The following MARCHF1 variants were observed in gnomAD, a reference collection of about 807,000 sequenced individuals.
MARCHF1 encodes membrane associated ring-CH-type finger 1, also known as E3 ubiquitin-protein ligase MARCHF1.
In MARCHF1, 40 loss-of-function variants were observed where a neutral mutation model predicts 54.2. The ratio of observed to expected loss-of-function variants is 0.74; its 90% confidence interval spans 0.57 to 0.96. The LOEUF is 0.96. MARCHF1 is among the 40% of genes least tolerant of loss of function. The pLI is 0.00. For missense variants in MARCHF1, 586 were observed against 656.5 expected (o/e 0.89, Z 1.17); for synonymous variants, 236 against 236.3 (o/e 1.00, Z 0.01).
At chr4:163,744,165 T>C (rs867982481) in intron 4 of MARCHF1, among the ~76,000 whole-genome samples, 1 of 152,248 alleles carries the variant, frequency 6.6e-6, no homozygotes, top group Non-Finnish European at 1.5e-5. Flanking sequence ...TTTATTACTG[T>C]GTGCATTTAT....
At chr4:164,006,169 A>G (rs765709059) in intron 2 of MARCHF1, among the ~76,000 whole-genome samples, 4 of 152,226 alleles carry the variant, frequency 2.6e-5, no homozygotes, top group Non-Finnish European at 5.9e-5. Flanking sequence ...GTTCTCTGAA[A>G]AAGAATTCAA....
At chr4:164,101,193 C>A (rs956966364) in intron 2 of MARCHF1, among the ~76,000 whole-genome samples, 1 of 152,210 alleles carries the variant, frequency 6.6e-6, no homozygotes, top group Non-Finnish European at 1.5e-5. Context: ...GGGAGGGGCA[C>A]CCGCCATTGC....
intron 1 of MARCHF1, chr4:164,197,809 A>G: frequency 6.3e-7 from 1 of 1,576,920 alleles, no homozygotes; most frequent in Non-Finnish European, 8.6e-7. Flanking sequence ...TGAAGACTCA[A>G]CCAGCTCCGC....
At chr4:163,689,193 G>T (rs541284310) in intron 5 of MARCHF1, among the ~76,000 whole-genome samples, 1 of 152,132 alleles carries the variant, frequency 6.6e-6, no homozygotes, top group African/African-American at 2.4e-5. Flanking sequence ...ATGGTCAATA[G>T]TTTTTAATCT....
chr4:163,646,917 A>T (rs1742781753), intron 5 of MARCHF1, among the ~76,000 whole-genome samples: 1 of 152,132 alleles, frequency 6.6e-6, no homozygotes, highest in Admixed American at 6.6e-5. Flanking sequence ...ATCTATCAAT[A>T]ATTACCTTGA....
At chr4:164,263,748 T>G (rs186929813) in intron 1 of MARCHF1, among the ~76,000 whole-genome samples, 4 of 152,236 alleles carry the variant, frequency 2.6e-5, no homozygotes, top group Admixed American at 2.6e-4. Context: ...ACAAAAAAGT[T>G]CAACATCACT....
chr4:163,960,025 T>C (rs1227627002), intron 3 of MARCHF1, among the ~76,000 whole-genome samples: 1 of 151,858 alleles, frequency 6.6e-6, no homozygotes, highest in East Asian at 1.9e-4. Context: ...CAAAAGATAA[T>C]ATACATGCGG....
At chr4:163,658,854 C>T (rs1743246008) in intron 5 of MARCHF1, among the ~76,000 whole-genome samples, 1 of 151,692 alleles carries the variant, frequency 6.6e-6, no homozygotes, top group Non-Finnish European at 1.5e-5. Flanking sequence ...GGGCTTAATA[C>T]CTAGGTGATG....
At chr4:164,363,501 AC>A (rs1256205989) in intron 1 of MARCHF1, among the ~76,000 whole-genome samples, 1 of 152,138 alleles carries the variant, frequency 6.6e-6, no homozygotes, top group African/African-American at 2.4e-5. Context: ...AACAGAGGCC[AC>A]TAGAGATGTG....
Position 164,094,568 on chromosome 4 carries a change from G to T in MARCHF1, c.-248+17020C>A, listed in dbSNP as rs572426804. Among the ~76,000 whole-genome samples, 10 of 152,216 alleles carry T rather than the reference G, an allele frequency of 6.6e-5. No homozygotes were observed. In the South Asian group the frequency reaches 2.1e-3, roughly 32 times the overall value. ...CTTACCTAAGAGAGCAAGGGAATAG[G>T]AATGAAAGTGCATTTACAAGTATCT... On this transcript the variant is annotated intron_variant, in intron 2 of 9. Transcript: ENST00000514618.
intron 2 of MARCHF1, among the ~76,000 whole-genome samples, chr4:164,061,595 T>C (rs1754616846): frequency 6.7e-6 from 1 of 149,594 alleles, no homozygotes; most frequent in South Asian, 2.2e-4. Flanking sequence ...GACGAGTTAA[T>C]GGGTGCAGCA....
At chr4:164,143,892 G>A (rs1310661395) in intron 1 of MARCHF1, among the ~76,000 whole-genome samples, 2 of 152,158 alleles carry the variant, frequency 1.3e-5, no homozygotes, top group African/African-American at 2.4e-5. Flanking sequence ...TGGATAAAGA[G>A]TCAAGACCCA....
At chr4:164,159,703 T>C (rs2110936513) in intron 1 of MARCHF1, among the ~76,000 whole-genome samples, 2 of 152,274 alleles carry the variant, frequency 1.3e-5, no homozygotes, top group South Asian at 4.1e-4. Flanking sequence ...AAAGGAGCTA[T>C]AAAGGAAATA....
chr4:163,933,347 C>G (rs1751723366), intron 3 of MARCHF1, among the ~76,000 whole-genome samples: 1 of 152,138 alleles, frequency 6.6e-6, no homozygotes, highest in Non-Finnish European at 1.5e-5. Flanking sequence ...GCAAAGAAAC[C>G]CATTTATGTA....
chr4:164,044,725 A>G lies in MARCHF1; in HGVS notation c.-247-56016T>C, dbSNP rs942568450. On this transcript the variant is annotated intron_variant, in intron 2 of 9. Coordinates refer to ENST00000514618, the MANE Select transcript of MARCHF1 (RefSeq NM_001394959.1). ...ATGTCACTATATATAGTGAGAGTCT[A>G]TAGTGTTTATATATATGTGTGGACA... Among the ~76,000 whole-genome samples, 10 of 152,176 alleles carry G rather than the reference A, an allele frequency of 6.6e-5. No individual in the cohort carries two copies. In the East Asian group the frequency reaches 1.9e-3, roughly 29 times the overall value.
At chr4:163,894,059 G>A (rs878924369) in intron 3 of MARCHF1, among the ~76,000 whole-genome samples, 1 of 152,134 alleles carries the variant, frequency 6.6e-6, no homozygotes, top group Non-Finnish European at 1.5e-5. Context: ...CATTTTTCTC[G>A]TGTAATCCCA....
intron 8 of MARCHF1, among the ~76,000 whole-genome samples, chr4:163,579,421 A>G (rs1740145410): frequency 6.6e-6 from 1 of 152,222 alleles, no homozygotes; most frequent in African/African-American, 2.4e-5. Context: ...GTTATTTTGT[A>G]GTCTACTTAT....
intron 3 of MARCHF1, among the ~76,000 whole-genome samples, chr4:163,960,727 T>C (rs7672142): frequency 0.059 from 8,923 of 151,178 alleles, 517 homozygotes; most frequent in East Asian, 0.18. Context: ...ACCTGGGCGA[T>C]GAAATAATCT....
intron 5 of MARCHF1, among the ~76,000 whole-genome samples, chr4:163,633,097 C>T (rs1367396826): frequency 3.9e-5 from 6 of 152,184 alleles, no homozygotes; most frequent in Non-Finnish European, 7.3e-5. Context: ...CCCATCTGTA[C>T]ATCACCATCA....
Sources: gnomAD v4.1 joint callset for allele counts (sites outside exome capture counted in the v4.1 genomes callset) on GRCh38, gnomAD v4.1.1 for gene constraint, MANE v1.5 for transcripts, NCBI Gene and HGNC (gene_info 2026-07-23, HGNC 2026-07-21) for gene names.